QSER1: variants seen among roughly 807,000 people sequenced by gnomAD.
The protein encoded by QSER1 is glutamine and serine rich 1, also known as glutamine and serine-rich protein 1.
In QSER1, 49 loss-of-function variants were observed where a neutral mutation model predicts 158.5. The observed-to-expected ratio is 0.31, with a 90% CI of 0.25 to 0.39. QSER1 has a LOEUF of 0.39. QSER1 is among the 10% of genes least tolerant of loss of function. The pLI, the probability that QSER1 is intolerant of heterozygous loss-of-function variation, is 1.00. For missense variants in QSER1, 1,754 were observed against 2,010.3 expected, an observed-to-expected ratio of 0.87 and a Z score of 2.44; for synonymous variants, 650 against 715.5, an observed-to-expected ratio of 0.91 and a Z score of 1.46.
chr11:32,979,248 CTT>C lies in QSER1; in HGVS notation c.*2776_*2777del, dbSNP rs1459179839. 2.6e-5 allele frequency: 4 copies of C among 152,550 alleles called. No homozygotes were observed. Among genetic ancestry groups the C allele is most frequent in the Non-Finnish European group, 5.9e-5 (4 of 68,032 alleles). The allele number at this position is 152,550 out of a possible 1,614,324, so 9.4% of individuals were successfully genotyped here. A position where few individuals can be genotyped will look rare whatever the true frequency, so the allele number is the denominator to read the frequency against. ...TTTGAAATTTATACTATAGAAATAACTTTAGGTTTTAGGTAGAGTTAAAGAGG... is the reference window on the plus strand; with the variant it reads ...TTTGAAATTTATACTATAGAAATAACTAGGTTTTAGGTAGAGTTAAAGAGG... On this transcript the variant is annotated 3_prime_UTR_variant, in exon 13 of 13. Transcript: ENST00000650167.
rs542781649 is a variant in QSER1 at position 32,928,140 on chromosome 11, A to G, written c.484+17A>G. 1 of 1,471,850 alleles carries G rather than the reference A, an allele frequency of 6.8e-7. No homozygotes were observed. The highest frequency in any genetic ancestry group is 1.4e-5 in the African/African-American group (1 of 72,132). 91.2% of individuals were successfully genotyped at this position (1,471,850 alleles called of 1,614,324 possible). The stretch of plus-strand genomic sequence containing the variant: ...GGCAGACAGGTGATTTTCTGTTTCT[A>G]GAATTTTTAAGTCCTATAAAAATGC... On this transcript the variant is annotated intron_variant, in intron 3 of 12. Transcript: ENST00000650167.
Position 32,950,180 on chromosome 11 carries a change from C to T in QSER1, c.4178-3677C>T, listed in dbSNP as rs569063915. Among the ~76,000 whole-genome samples the T allele has an allele frequency of 4.6e-5, 7 of 152,146 alleles. No individual in the cohort carries two copies. In the South Asian group the frequency reaches 1.5e-3, roughly 32 times the overall value. ...TGCAATCTAGGCTCACTGCAACCTC[C>T]GCCTCCCAGGTTCAAGCGATTCTCC... is the stretch of plus-strand genomic sequence containing the variant. On this transcript the variant is annotated intron_variant, in intron 4 of 12. Coordinates refer to ENST00000650167, the MANE Select transcript of QSER1 (RefSeq NM_001076786.3).
In QSER1 at chr11:32,932,943, G is replaced by T. The variant is rs372213152; in HGVS notation, c.1685G>T (p.Gly562Val). 19 of 1,613,470 alleles carry T rather than the reference G, an allele frequency of 1.2e-5. No individual in the cohort carries two copies. Among genetic ancestry groups the T allele is most frequent in the Non-Finnish European group, 1.4e-5 (16 of 1,179,994 alleles). ...AGTTACTCATCTGGTCACTCTCAGG[G>T]TTTATCACCAGTTAGCCAGACACAG... ...SQSYSSGHSQGLSPVSQTQVS... is the reference protein window; with the variant it reads ...SQSYSSGHSQVLSPVSQTQVS... The change falls in exon 4 of 13, where the codon GGT becomes GTT. Residue 562 changes from glycine to valine, a missense_variant. Physicochemically the swap from Gly to Val is moderately radical, Grantham distance 109. This residue lies in a region of QSER1 where 1,707 missense variants were observed against 1,919.6 expected (regional missense o/e 0.89). Coordinates refer to ENST00000650167, the MANE Select transcript of QSER1 (RefSeq NM_001076786.3).
In QSER1 at chr11:32,970,946, C is replaced by CTTTTT. The variant is rs776051259; in HGVS notation, c.5205+1823_5205+1827dup. On this transcript the variant is annotated intron_variant, in intron 10 of 12. Transcript: ENST00000650167. ...GATAATTGTCATATAAAGCAATTTG[C>CTTTTT]TTTTTTTTTTTTTTTTTTTTTTTTG... is the stretch of plus-strand genomic sequence containing the variant. Among the ~76,000 whole-genome samples the CTTTTT allele has an allele frequency of 1.5e-3, 118 of 76,904 alleles. 4 individuals carry two copies. Among genetic ancestry groups the CTTTTT allele is most frequent in the East Asian group, 2.6e-3 (6 of 2,338 alleles). The allele number at this position is 76,904 out of a possible 152,430, so 50.5% of individuals were successfully genotyped here.
chr11:32,966,203 G>C, intron 8 of QSER1, 97 bp from the exon 9 acceptor site: 1 of 1,309,116 alleles, frequency 7.6e-7, no homozygotes, highest in Non-Finnish European at 1.1e-6. Flanking sequence ...TGAAGAAATT[G>C]TATCTGCAAT....
chr11:32,926,689 A>G (rs2133536165), intron 1 of QSER1: 1 of 152,294 alleles, frequency 6.6e-6, no homozygotes, highest in South Asian at 2.1e-4. Context: ...AGTATTAATT[A>G]TTTATTTGAA....
At chr11:32,944,020 C>T (rs1852286540) in intron 4 of QSER1, among the ~76,000 whole-genome samples, 1 of 151,774 alleles carries the variant, frequency 6.6e-6, no homozygotes, top group Non-Finnish European at 1.5e-5. Context: ...AGTTTATTTG[C>T]GTAGAGGTGT....
chr11:32,952,639 C>T (rs1022277310), intron 4 of QSER1, among the ~76,000 whole-genome samples: 3 of 151,900 alleles, frequency 2.0e-5, no homozygotes, highest in Non-Finnish European at 4.4e-5. Flanking sequence ...GTGTTTCCTC[C>T]TATTGTTTGG....
intron 1 of QSER1, among the ~76,000 whole-genome samples, chr11:32,905,182 T>C (rs1851676254): frequency 6.6e-6 from 1 of 152,238 alleles, no homozygotes; most frequent in African/African-American, 2.4e-5. Context: ...GAAATTTTCA[T>C]ATGGCCTAAT....
In QSER1 at chr11:32,927,997, G is replaced by A. The variant is rs745770195; in HGVS notation, c.358G>A (p.Ala120Thr). 3.8e-6 allele frequency: 5 copies of A among 1,325,642 alleles called. No homozygotes were observed. The highest frequency in any genetic ancestry group is 1.7e-5 in the Admixed American group (1 of 58,334). 82.1% of individuals were successfully genotyped at this position (1,325,642 alleles called of 1,614,324 possible). The change falls in exon 3 of 13, where the codon GCC (alanine) becomes ACC (threonine). Residue 120 changes from alanine to threonine, a missense_variant. Ala to Thr is a moderately conservative substitution (Grantham distance 58, BLOSUM62 0). Around this residue, in one of 2 missense-constraint regions of QSER1, gnomAD observed 1,707 missense variants for 1,919.6 expected, o/e 0.89. Coordinates refer to ENST00000650167, the MANE Select transcript of QSER1 (RefSeq NM_001076786.3). ...SGIFDTSVNS[A>T]SSNTKESSVM... ...AATATTTGATACTAGTGTGAACAGT[G>A]CCAGCAGTAACACTAAAGAGTCTTC...
chr11:32,961,722 T>G (rs1158217365), intron 8 of QSER1, among the ~76,000 whole-genome samples: 1 of 152,218 alleles, frequency 6.6e-6, no homozygotes, highest in Admixed American at 6.5e-5. Context: ...TTGCCCATTC[T>G]AAATATCTCA....
chr11:32,946,821 A>C (rs1192153491), intron 4 of QSER1, among the ~76,000 whole-genome samples: 13 of 151,868 alleles, frequency 8.6e-5, no homozygotes, highest in South Asian at 4.2e-4. Flanking sequence ...GGGCGCCCCT[A>C]CCCCAGCCTC....
rs752860283 is a variant in QSER1, at chr11:32,928,084, A to G, written c.445A>G (p.Thr149Ala). 2 of 1,613,668 alleles carry G rather than the reference A, an allele frequency of 1.2e-6. No homozygotes were observed. Among genetic ancestry groups the G allele is most frequent in the South Asian group, 1.1e-5 (1 of 91,068 alleles). ...RTAQAAASGT[T>A]LLPQFRAPSW... ...TGCTCAGGCTGCTGCTTCAGGAACT[A>G]CTCTCTTACCACAATTCAGGGCTCC... The change falls in exon 3 of 13, where the codon ACT (threonine) becomes GCT (alanine). Residue 149 changes from threonine (T) to alanine (A), a missense_variant. Transcript: ENST00000650167.
At chr11:32,974,784 T>C (rs1211178019) in intron 11 of QSER1, among the ~76,000 whole-genome samples, 1 of 152,174 alleles carries the variant, frequency 6.6e-6, no homozygotes, top group Non-Finnish European at 1.5e-5. Context: ...AATTATTAGT[T>C]AGGTCAAAAA....
chr11:32,946,343 C>T (rs1269609166), intron 4 of QSER1, among the ~76,000 whole-genome samples: 1 of 152,168 alleles, frequency 6.6e-6, no homozygotes, highest in South Asian at 2.1e-4. Flanking sequence ...TTTTTCTGTT[C>T]TGCTTTTTCC....
chr11:32,950,914 T>TTAA (rs1237686709), intron 4 of QSER1, among the ~76,000 whole-genome samples: 1 of 152,254 alleles, frequency 6.6e-6, no homozygotes, highest in African/African-American at 2.4e-5. Context: ...AGTTATCCAT[T>TTAA]GATAGAGTTT....
intron 10 of QSER1, among the ~76,000 whole-genome samples, chr11:32,970,742 A>G (rs1196599366): frequency 6.6e-6 from 1 of 152,050 alleles, no homozygotes. Flanking sequence ...CTGCCTTTAA[A>G]TAAATGAAAT....
chr11:32,976,664 C>G lies in QSER1; in HGVS notation c.*190C>G. 1.8e-6 allele frequency: 1 copy of G among 546,794 alleles called. No individual in the cohort carries two copies. The highest frequency in any genetic ancestry group is 4.1e-5 in the Admixed American group (1 of 24,166). The allele number at this position is 546,794 out of a possible 1,614,324, so 33.9% of individuals were successfully genotyped here. ...ACGAAGTTAGTCCTCTGGAAATGGACCTAAATCCCACCACATTTTTACCCT... is the reference window on the plus strand; with the variant it reads ...ACGAAGTTAGTCCTCTGGAAATGGAGCTAAATCCCACCACATTTTTACCCT... On this transcript the variant is annotated 3_prime_UTR_variant, in exon 13 of 13. Coordinates refer to ENST00000650167, the MANE Select transcript of QSER1 (RefSeq NM_001076786.3).
rs764961134 is a variant in QSER1 at position 32,932,314 on chromosome 11, T to G, written c.1056T>G (p.Asn352Lys). ...HSYLSNSSVV[N>K]FQETTRQSSL... ...ATCTATCAAATTCAAGTGTAGTTAA[T>G]TTTCAGGAAACAACCAGGCAGTCAT... Residue 352 changes from asparagine to lysine, a missense_variant, in exon 4 of 13, where the codon AAT becomes AAG. By Grantham distance (94) the Asn-to-Lys change is moderately conservative. This residue lies in a region of QSER1 where 1,707 missense variants were observed against 1,919.6 expected (regional missense o/e 0.89). Transcript: ENST00000650167. 2.5e-6 allele frequency: 4 copies of G among 1,613,540 alleles called. No individual in the cohort carries two copies. Among genetic ancestry groups the G allele is most frequent in the Non-Finnish European group, 3.4e-6 (4 of 1,180,016 alleles).
Sources: allele counts gnomAD v4.1 joint callset (sites outside exome capture counted in the v4.1 genomes callset), GRCh38; gene constraint gnomAD v4.1.1; regional missense constraint gnomAD v4.1.1; transcripts MANE v1.5; gene names NCBI Gene and HGNC (gene_info 2026-07-23, HGNC 2026-07-21).